The following VPS36 variants were observed in gnomAD, a reference collection of about 807,000 sequenced individuals.
VPS36 encodes vacuolar protein sorting 36 homolog.
Under a neutral mutation model 63.5 loss-of-function variants are expected in VPS36, and 31 were observed. The observed-to-expected ratio is 0.49, with a 90% CI of 0.37 to 0.66. The LOEUF (loss-of-function observed/expected upper bound fraction) is 0.66. VPS36 is among the 30% of genes least tolerant of loss of function. The pLI is 0.00. For synonymous variants in VPS36, 138 were observed against 157.2 expected, an observed-to-expected ratio of 0.88 and a Z score of 0.91; for missense variants, 338 against 463.7, an observed-to-expected ratio of 0.73 and a Z score of 2.49.
At chr13:52,442,027 T>A (rs909344419) in intron 2 of VPS36, among the ~76,000 whole-genome samples, 2 of 152,208 alleles carry the variant, frequency 1.3e-5, no homozygotes, top group African/African-American at 4.8e-5. Flanking sequence ...AGTAACTACA[T>A]GGATTTTTCT....
chr13:52,424,575 G>C (rs563787472), intron 9 of VPS36, among the ~76,000 whole-genome samples: 1 of 152,172 alleles, frequency 6.6e-6, no homozygotes, highest in Non-Finnish European at 1.5e-5. Flanking sequence ...GGGGTGGGAG[G>C]TAAGAGGCAG....
chr13:52,433,875 A>G (rs1958185429), intron 5 of VPS36, 127 bp from the exon 6 acceptor site: 2 of 697,526 alleles, frequency 2.9e-6, no homozygotes, highest in Admixed American at 5.8e-5. Context: ...AAAACAGCAT[A>G]CACGGACATT....
At chr13:52,433,283 TCTGGCCACAGA>T (rs1342599693) in intron 6 of VPS36, among the ~76,000 whole-genome samples, 3 of 152,212 alleles carry the variant, frequency 2.0e-5, no homozygotes, top group African/African-American at 4.8e-5. Flanking sequence ...TGGTGTGGTA[TCTGGCCACAGA>T]CTGGCCACAG....
chr13:52,424,072 C>T (rs536347995), intron 9 of VPS36, among the ~76,000 whole-genome samples: 2 of 152,070 alleles, frequency 1.3e-5, no homozygotes, highest in Non-Finnish European at 2.9e-5. Context: ...GTTGGTTGGG[C>T]TGGTCTCGAA....
At chr13:52,428,852 A>C (rs1160644124) in intron 6 of VPS36, among the ~76,000 whole-genome samples, 1 of 152,164 alleles carries the variant, frequency 6.6e-6, no homozygotes, top group Non-Finnish European at 1.5e-5. Context: ...GAGAGTCCAC[A>C]AAGAATATGT....
chr13:52,450,443 G>A, intron 1 of VPS36, 56 bp downstream of exon 1: 1 of 1,520,750 alleles, frequency 6.6e-7, no homozygotes, highest in Non-Finnish European at 8.8e-7. Flanking sequence ...GCCGGGCCGC[G>A]CGCCCACCGG....
At chr13:52,446,185 G>A (rs888698023) in intron 1 of VPS36, among the ~76,000 whole-genome samples, 1 of 150,980 alleles carries the variant, frequency 6.6e-6, no homozygotes, top group African/African-American at 2.4e-5. Context: ...AGAAACGCTT[G>A]AACCCGGGAA....
intron 8 of VPS36, 46 bp from the exon 9 acceptor site, chr13:52,426,112 A>G: frequency 1.3e-6 from 2 of 1,596,836 alleles, no homozygotes; most frequent in South Asian, 1.1e-5. Context: ...CTCCACCTCA[A>G]TATTTGAAAT....
intron 5 of VPS36, 74 bp from the exon 6 acceptor site, chr13:52,433,822 T>C (rs1170372709): frequency 9.3e-6 from 13 of 1,390,878 alleles, no homozygotes; most frequent in African/African-American, 1.5e-5. Context: ...ACCAACCACA[T>C]TGTGTTTTCA....
At chr13:52,420,346 T>G (rs547286393) in intron 10 of VPS36, among the ~76,000 whole-genome samples, 27 of 152,104 alleles carry the variant, frequency 1.8e-4, no homozygotes, top group South Asian at 1.0e-3. Flanking sequence ...ATTTATTTAT[T>G]TTTTGAGATG....
chr13:52,427,565 C>A (rs1337834012), intron 6 of VPS36, among the ~76,000 whole-genome samples: 2 of 151,888 alleles, frequency 1.3e-5, no homozygotes, highest in Non-Finnish European at 2.9e-5. Context: ...CGAGATCGCG[C>A]CACTGCGCTC....
chr13:52,444,251 A>G (rs1958311041), intron 1 of VPS36, among the ~76,000 whole-genome samples: 1 of 152,064 alleles, frequency 6.6e-6, no homozygotes, highest in Admixed American at 6.5e-5. Flanking sequence ...AGGTCTGGAG[A>G]TCGAGACCAT....
rs1289037845 is a variant in VPS36, at chr13:52,414,441, C to A, written c.*1389G>T. On this transcript the variant is annotated 3_prime_UTR_variant, in exon 14 of 14. Coordinates refer to ENST00000378060, the MANE Select transcript of VPS36 (RefSeq NM_016075.4). ...AGTGGGATGTCTCAGGCACAGCATT[C>A]CTGTGACACTGGAGGATACGAAGCA... 2.0e-5 allele frequency: 3 copies of A among 152,190 alleles called. No homozygotes were observed. Among genetic ancestry groups the A allele is most frequent in the Non-Finnish European group, 4.4e-5 (3 of 68,070 alleles). The allele number at this position is 152,190 out of a possible 1,614,324, so 9.4% of individuals were successfully genotyped here.
chr13:52,447,523 G>A (rs929279942), intron 1 of VPS36, among the ~76,000 whole-genome samples: 3 of 152,148 alleles, frequency 2.0e-5, no homozygotes, highest in African/African-American at 7.2e-5. Flanking sequence ...ACATTATCTA[G>A]TCATAATGAG....
Position 52,425,961 on chromosome 13 carries a change from G to C in VPS36, c.745C>G (p.Leu249Val). The C allele has an allele frequency of 1.2e-6, 2 of 1,613,902 alleles. No individual in the cohort carries two copies. The highest frequency in any genetic ancestry group is 1.7e-6 in the Non-Finnish European group (2 of 1,179,900). ...AAAGGCACCTGCAATATTCCAGCCAGTTGTTTGGCCAGCTGCATGTGGTAC... is the reference window on the plus strand; with the variant it reads ...AAAGGCACCTGCAATATTCCAGCCACTTGTTTGGCCAGCTGCATGTGGTAC... The part of the protein sequence containing the change: ...TQYHMQLAKQ[L>V]AGILQVPLEE... Residue 249 changes from leucine (L) to valine (V), a missense_variant, in exon 9 of 14, where the codon CTG becomes GTG. Leu to Val is a conservative substitution (Grantham distance 32). Transcript: ENST00000378060.
intron 6 of VPS36, among the ~76,000 whole-genome samples, chr13:52,431,762 C>CAAAAA (rs60968712): frequency 1.6e-4 from 11 of 68,020 alleles, no homozygotes; most frequent in African/African-American, 3.1e-4. Flanking sequence ...GACTCTGTCT[C>CAAAAA]AAAAAAAAAA....
chr13:52,425,221 C>A (rs1191289116), intron 9 of VPS36, among the ~76,000 whole-genome samples: 1 of 148,346 alleles, frequency 6.7e-6, no homozygotes, highest in African/African-American at 2.5e-5. Context: ...CCACTGCACT[C>A]CAGCCTGGGT....
At chr13:52,436,674 A>G (rs1445351420) in intron 3 of VPS36, among the ~76,000 whole-genome samples, 1 of 152,224 alleles carries the variant, frequency 6.6e-6, no homozygotes, top group Admixed American at 6.5e-5. Flanking sequence ...AAATAAGGTC[A>G]AAATAAATTT....
chr13:52,450,511 A>G lies in VPS36; in HGVS notation c.84T>C (p.Asp28=), dbSNP rs1958391547. ...VIQQRGVRIY[D]GEEKIKFDAG... Reference sequence around the variant, plus strand: ...GCAGACGCCCTACCTTCTCCTCGCCATCGTAGATTCGCACCCCGCGCTGCT... The same window carrying G: ...GCAGACGCCCTACCTTCTCCTCGCCGTCGTAGATTCGCACCCCGCGCTGCT... Residue 28 remains aspartate, a synonymous_variant, in exon 1 of 14, where the codon GAT becomes GAC. Transcript: ENST00000378060. 1.9e-6 allele frequency: 3 copies of G among 1,593,404 alleles called. No homozygotes were observed. Among genetic ancestry groups the G allele is most frequent in the Admixed American group, 1.7e-5 (1 of 57,992 alleles).
Sources: gnomAD v4.1 joint callset for allele counts (sites outside exome capture counted in the v4.1 genomes callset) on GRCh38, gnomAD v4.1.1 for gene constraint, MANE v1.5 for transcripts, NCBI Gene and HGNC (gene_info 2026-07-23, HGNC 2026-07-21) for gene names.